Variants in FRMD6 observed in about 807,000 individuals in gnomAD.
FRMD6 encodes the protein FERM domain containing 6, also known as FERM domain-containing protein 6.
A neutral mutation model predicts 73.2 loss-of-function variants in FRMD6; 37 were observed. That is an observed-to-expected ratio of 0.51 (90% CI 0.39 to 0.66). FRMD6 has a LOEUF of 0.66. FRMD6 is among the 30% of genes least tolerant of loss of function. FRMD6 has a pLI of 0.00. For synonymous variants in FRMD6, 273 were observed against 282.2 expected (o/e 0.97, Z 0.33); for missense variants, 714 against 780.5 (o/e 0.91, Z 1.02).
intron 1 of FRMD6, among the ~76,000 whole-genome samples, chr14:51,681,344 C>T (rs1894781915): frequency 6.6e-6 from 1 of 152,130 alleles, no homozygotes; most frequent in Non-Finnish European, 1.5e-5. Flanking sequence ...ACAGTGCTTC[C>T]ACTTGCTTTC....
Position 51,730,606 on chromosome 14 carries a change from A to G in FRMD6, c.*2577A>G, listed in dbSNP as rs1428994292. On this transcript the variant is annotated 3_prime_UTR_variant, in exon 14 of 14. Coordinates refer to ENST00000344768, the MANE Select transcript of FRMD6 (RefSeq NM_001267046.2). ...TGTAAATAATCCTTTCTGTGAAAGG[A>G]TCATCATATCAAGATGATACCAAAA... is the stretch of plus-strand genomic sequence containing the variant. 6.6e-6 allele frequency: 1 copy of G among 152,560 alleles called. No individual in the cohort carries two copies. The highest frequency in any genetic ancestry group is 1.5e-5 in the Non-Finnish European group (1 of 68,030). The allele number at this position is 152,560 out of a possible 1,614,324, so 9.5% of individuals were successfully genotyped here.
In FRMD6 at chr14:51,730,577, A is replaced by C. The variant is rs1898204339; in HGVS notation, c.*2548A>C. 1 of 152,596 alleles carries C rather than the reference A, an allele frequency of 6.6e-6. No homozygotes were observed. Among genetic ancestry groups the C allele is most frequent in the African/African-American group, 2.4e-5 (1 of 41,450 alleles). The allele number at this position is 152,596 out of a possible 1,614,324, so 9.5% of individuals were successfully genotyped here. On this transcript the variant is annotated 3_prime_UTR_variant, in exon 14 of 14. Transcript: ENST00000344768. Reference sequence around the variant, plus strand: ...GCAACAGTGAGCTTTATATCTACATAAACTGTAAATAATCCTTTCTGTGAA... The same window carrying C: ...GCAACAGTGAGCTTTATATCTACATCAACTGTAAATAATCCTTTCTGTGAA...
At chr14:51,418,886 C>T in the FRMD6 span, among the ~76,000 whole-genome samples, 236 of 152,334 alleles carry the variant, frequency 1.5e-3, 4 homozygotes, top group East Asian at 0.035. Flanking sequence ...TCAGCAATGG[C>T]GGATGCCCCT....
intron 1 of FRMD6, among the ~76,000 whole-genome samples, chr14:51,493,490 A>C (rs1444731673): frequency 6.6e-6 from 1 of 152,052 alleles, no homozygotes; most frequent in Non-Finnish European, 1.5e-5. Flanking sequence ...TCCCCTGCAC[A>C]TGCTCTCTCT....
At chr14:51,615,161 T>C (rs988721065) in intron 2 of FRMD6, among the ~76,000 whole-genome samples, 1 of 152,200 alleles carries the variant, frequency 6.6e-6, no homozygotes, top group Non-Finnish European at 1.5e-5. Context: ...TAGTCCAGCC[T>C]GTTCTAGCTG....
chr14:51,467,789 C>T, the FRMD6 span, among the ~76,000 whole-genome samples: 1,223 of 144,686 alleles, frequency 8.5e-3, 15 homozygotes, highest in African/African-American at 0.029. Context: ...CAGGAAGAGG[C>T]GCTCCTCACT....
intron 1 of FRMD6, among the ~76,000 whole-genome samples, chr14:51,685,747 G>A (rs1451530256): frequency 6.6e-6 from 1 of 152,118 alleles, no homozygotes; most frequent in Admixed American, 6.6e-5. Context: ...CAATATTATC[G>A]TTTTAAGCTT....
At chr14:51,705,047 T>A (rs1253140969) in intron 6 of FRMD6, 112 bp downstream of exon 6, 1 of 855,734 alleles carries the variant, frequency 1.2e-6, no homozygotes, top group African/African-American at 1.7e-5. Flanking sequence ...TGTGGCCAAA[T>A]TCTTTGTGAT....
upstream of FRMD6, among the ~76,000 whole-genome samples, chr14:51,488,207 T>C (rs2140156662): frequency 6.6e-6 from 1 of 152,296 alleles, no homozygotes; most frequent in South Asian, 2.1e-4. Flanking sequence ...TCTCTGAAAT[T>C]TTCGCAGTAA....
the FRMD6 span, among the ~76,000 whole-genome samples, chr14:51,459,206 T>C: frequency 6.6e-6 from 1 of 152,212 alleles, no homozygotes; most frequent in Non-Finnish European, 1.5e-5. Flanking sequence ...TCTGACAAGG[T>C]CTCATGCTGT....
intron 2 of FRMD6, among the ~76,000 whole-genome samples, chr14:51,607,428 C>T (rs1254284375): frequency 6.6e-6 from 1 of 152,206 alleles, no homozygotes; most frequent in Non-Finnish European, 1.5e-5. Flanking sequence ...AGAATTGGCC[C>T]TGCCACTGAG....
chr14:51,592,740 T>C (rs1889467274), intron 2 of FRMD6, among the ~76,000 whole-genome samples: 1 of 152,224 alleles, frequency 6.6e-6, no homozygotes, highest in South Asian at 2.1e-4. Context: ...CACATTTCTT[T>C]AGATTACAGC....
At chr14:51,496,678 G>A (rs1165385962) in intron 1 of FRMD6, among the ~76,000 whole-genome samples, 1 of 152,130 alleles carries the variant, frequency 6.6e-6, no homozygotes, top group East Asian at 1.9e-4. Context: ...TAAGAGATGT[G>A]GGAATAAACT....
Position 51,566,308 on chromosome 14 carries a change from C to T in FRMD6, c.-209-4040C>T, listed in dbSNP as rs146931525. Reference sequence around the variant, plus strand: ...ATTGACCAGCCACTTGGATGTGACACATACATTTCCTCAGAGCAAACAGTA... The same window carrying T: ...ATTGACCAGCCACTTGGATGTGACATATACATTTCCTCAGAGCAAACAGTA... On this transcript the variant is annotated intron_variant, in intron 1 of 14. Coordinates refer to the FRMD6 transcript ENST00000356218. 1.1e-4 allele frequency among the ~76,000 whole-genome samples: 16 copies of T among 152,328 alleles called. No individual in the cohort carries two copies. The East Asian group carries it at 2.7e-3, about 26-fold the overall frequency.
At chr14:51,675,758 T>C (rs1246448957) in intron 1 of FRMD6, among the ~76,000 whole-genome samples, 2 of 152,102 alleles carry the variant, frequency 1.3e-5, no homozygotes, top group Admixed American at 1.3e-4. Flanking sequence ...AGCCTCACTT[T>C]GCATCATTCT....
chr14:51,561,979 T>C (rs1277306245), intron 1 of FRMD6, among the ~76,000 whole-genome samples: 3 of 152,258 alleles, frequency 2.0e-5, no homozygotes, highest in Non-Finnish European at 4.4e-5. Flanking sequence ...TTTCCAGAAT[T>C]AGCCAATTCA....
intron 2 of FRMD6, among the ~76,000 whole-genome samples, chr14:51,597,372 G>A (rs1213129045): frequency 6.6e-6 from 1 of 152,222 alleles, no homozygotes; most frequent in East Asian, 1.9e-4. Context: ...CCCTGGAGGA[G>A]ACAGCATCCG....
At chr14:51,585,029 C>G (rs1483719964) in intron 2 of FRMD6, among the ~76,000 whole-genome samples, 1 of 152,160 alleles carries the variant, frequency 6.6e-6, no homozygotes, top group African/African-American at 2.4e-5. Flanking sequence ...ACGTAGTGAA[C>G]ACTCAATACA....
At chr14:51,520,714 A>G (rs763092070) in intron 1 of FRMD6, among the ~76,000 whole-genome samples, 1 of 152,154 alleles carries the variant, frequency 6.6e-6, no homozygotes, top group African/African-American at 2.4e-5. Context: ...CCTAGGCAAC[A>G]TGGCAAAACT....
Sources: allele counts gnomAD v4.1 joint callset (sites outside exome capture counted in the v4.1 genomes callset), GRCh38; gene constraint gnomAD v4.1.1; transcripts MANE v1.5; gene names NCBI Gene and HGNC (gene_info 2026-07-23, HGNC 2026-07-21).